The following CDC42SE2 variants were observed in gnomAD, a reference collection of about 807,000 sequenced individuals.
CDC42SE2 encodes the protein CDC42 small effector protein 2.
In CDC42SE2, 3 loss-of-function variants were observed where a neutral mutation model predicts 11.5. The observed-to-expected ratio is 0.26, with a 90% CI of 0.12 to 0.67. The LOEUF is 0.67. CDC42SE2 is among the 30% of genes least tolerant of loss of function. The pLI is 0.80. For missense variants in CDC42SE2, 82 were observed against 106.8 expected (o/e 0.77, Z 1.02); for synonymous variants, 33 against 34.8 (o/e 0.95, Z 0.18).
At chr5:131,329,607 G>A (rs999660507) in intron 2 of CDC42SE2, among the ~76,000 whole-genome samples, 2 of 151,828 alleles carry the variant, frequency 1.3e-5, no homozygotes, top group African/African-American at 4.8e-5. Context: ...GGCTGGGCGC[G>A]GTAGCTCACA....
At chr5:131,320,899 T>C (rs1344121629) in intron 2 of CDC42SE2, among the ~76,000 whole-genome samples, 1 of 152,234 alleles carries the variant, frequency 6.6e-6, no homozygotes, top group African/African-American at 2.4e-5. Context: ...TTTTTCTTTC[T>C]GGCAATATTA....
chr5:131,344,850 C>T (rs1431343841), intron 2 of CDC42SE2, among the ~76,000 whole-genome samples: 3 of 152,236 alleles, frequency 2.0e-5, no homozygotes, highest in Non-Finnish European at 4.4e-5. Flanking sequence ...GCAATATTTG[C>T]TGTTCTGCAG....
intron 1 of CDC42SE2, among the ~76,000 whole-genome samples, chr5:131,288,806 A>G (rs1757392862): frequency 6.6e-6 from 1 of 152,206 alleles, no homozygotes; most frequent in Admixed American, 6.5e-5. Context: ...TGGAAACTTA[A>G]CTGCTTTAGA....
intron 3 of CDC42SE2, among the ~76,000 whole-genome samples, chr5:131,376,994 T>A (rs756837361): frequency 6.6e-6 from 1 of 152,130 alleles, no homozygotes; most frequent in African/African-American, 2.4e-5. Flanking sequence ...TATATTACTT[T>A]GGGTATATAC....
rs149572928 is a variant in CDC42SE2 at position 131,312,201 on chromosome 5, C to T, written c.-454-3775C>T. Among the ~76,000 whole-genome samples the T allele has an allele frequency of 8.9e-3, 1,345 of 151,264 alleles. 25 individuals are homozygous for T. The highest frequency in any genetic ancestry group is 0.031 in the African/African-American group (1,277 of 41,238). ...GCTGCCGGTCTGTTGGAGTACCTTGCTGTGTGAGGTGTCAGTGTGCCCCTG... is the reference window on the plus strand; with the variant it reads ...GCTGCCGGTCTGTTGGAGTACCTTGTTGTGTGAGGTGTCAGTGTGCCCCTG... On this transcript the variant is annotated intron_variant, in intron 1 of 4. Coordinates refer to ENST00000505065, the MANE Select transcript of CDC42SE2 (RefSeq NM_001375635.1).
intron 1 of CDC42SE2, among the ~76,000 whole-genome samples, chr5:131,246,732 C>T (rs1358682710): frequency 6.9e-6 from 1 of 144,648 alleles, no homozygotes; most frequent in Non-Finnish European, 1.5e-5. Context: ...CTTTTCTTAT[C>T]TTCCATACCT....
chr5:131,382,913 ATATAT>A (rs1750365329), intron 3 of CDC42SE2, among the ~76,000 whole-genome samples: 1 of 152,222 alleles, frequency 6.6e-6, no homozygotes, highest in Non-Finnish European at 1.5e-5. Flanking sequence ...AAATGTAATA[ATATAT>A]TATTAAGAAG....
At chr5:131,375,815 T>C (rs1334221815) in intron 3 of CDC42SE2, among the ~76,000 whole-genome samples, 1 of 152,198 alleles carries the variant, frequency 6.6e-6, no homozygotes, top group Non-Finnish European at 1.5e-5. Context: ...CCTTAACATA[T>C]TAGAGATTTT....
chr5:131,213,528 G>A, the CDC42SE2 span, among the ~76,000 whole-genome samples: 12 of 152,092 alleles, frequency 7.9e-5, no homozygotes, highest in African/African-American at 2.7e-4. Flanking sequence ...GGCTCACTGC[G>A]GCCTTAACCT....
intron 2 of CDC42SE2, among the ~76,000 whole-genome samples, chr5:131,336,361 C>G (rs1174906725): frequency 1.3e-5 from 2 of 152,182 alleles, no homozygotes; most frequent in Admixed American, 6.5e-5. Flanking sequence ...GATGGGCTTC[C>G]CTTTGCGGGT....
chr5:131,330,117 A>G (rs1758389552), intron 2 of CDC42SE2, among the ~76,000 whole-genome samples: 1 of 152,064 alleles, frequency 6.6e-6, no homozygotes, highest in East Asian at 1.9e-4. Flanking sequence ...GGAGGATTCT[A>G]AGCAGCTTTA....
intron 2 of CDC42SE2, among the ~76,000 whole-genome samples, chr5:131,257,115 G>A (rs182756934): frequency 3.9e-4 from 59 of 152,296 alleles, no homozygotes; most frequent in African/African-American, 1.4e-3. Context: ...AGCCCAGCTA[G>A]TGGTGGGGTC....
intron 1 of CDC42SE2, among the ~76,000 whole-genome samples, chr5:131,313,138 A>G (rs1007997721): frequency 7.9e-5 from 12 of 151,760 alleles, no homozygotes; most frequent in Non-Finnish European, 1.8e-4. Flanking sequence ...GCCTGCCACG[A>G]CGCCCGGCTG....
At chr5:131,286,733 T>C (rs1255785705) in intron 1 of CDC42SE2, among the ~76,000 whole-genome samples, 2 of 151,962 alleles carry the variant, frequency 1.3e-5, no homozygotes, top group Non-Finnish European at 2.9e-5. Flanking sequence ...GAATAGTAAT[T>C]ATATTTTCTC....
At chr5:131,298,161 G>C (rs1393452126) in intron 1 of CDC42SE2, among the ~76,000 whole-genome samples, 1 of 151,166 alleles carries the variant, frequency 6.6e-6, no homozygotes, top group African/African-American at 2.4e-5. Context: ...GGAGTGCAAT[G>C]GAAAAATCTC....
intron 1 of CDC42SE2, among the ~76,000 whole-genome samples, chr5:131,312,459 G>A (rs1374313028): frequency 6.6e-6 from 1 of 152,316 alleles, no homozygotes. Flanking sequence ...GAGCTGTGGT[G>A]GGCTCCACCC....
At chr5:131,266,214 TTA>T (rs1756858475) in intron 1 of CDC42SE2, among the ~76,000 whole-genome samples, 1 of 152,130 alleles carries the variant, frequency 6.6e-6, no homozygotes, top group Non-Finnish European at 1.5e-5. Context: ...TTTAATCTAT[TTA>T]TATATGTTTA....
chr5:131,296,926 T>C lies in CDC42SE2; in HGVS notation c.-454-19050T>C, dbSNP rs971514838. Among the ~76,000 whole-genome samples the C allele has an allele frequency of 2.0e-5, 3 of 152,040 alleles. No individual in the cohort carries two copies. In the East Asian group the frequency reaches 5.8e-4, roughly 29 times the overall value. On this transcript the variant is annotated intron_variant, in intron 1 of 4. Transcript: ENST00000505065. ...AAGATTATTATAAAAGATTTCCTTG[T>C]GGGGAGAAAAGACCACTCCACCTCT... is the stretch of plus-strand genomic sequence containing the variant.
At chr5:131,234,596 A>T in the CDC42SE2 span, among the ~76,000 whole-genome samples, 1 of 151,724 alleles carries the variant, frequency 6.6e-6, no homozygotes, top group Non-Finnish European at 1.5e-5. Flanking sequence ...AGATCGTGCC[A>T]CTGCACTCCA....
Sources: gnomAD v4.1 joint callset for allele counts (sites outside exome capture counted in the v4.1 genomes callset) on GRCh38, gnomAD v4.1.1 for gene constraint, MANE v1.5 for transcripts, NCBI Gene and HGNC (gene_info 2026-07-23, HGNC 2026-07-21) for gene names.